The following MAF variants were observed in gnomAD, a reference collection of about 807,000 sequenced individuals.
The protein encoded by MAF is MAF bZIP transcription factor, also known as transcription factor Maf.
In MAF, 10 loss-of-function variants were observed where a neutral mutation model predicts 22.0. The observed-to-expected ratio is 0.45, with a 90% CI of 0.28 to 0.77. The LOEUF is 0.77. Among genes scored for constraint, MAF ranks in the 30% least tolerant of loss-of-function variants. MAF has a pLI of 0.12. For missense variants in MAF, 544 were observed against 548.4 expected (o/e 0.99, Z 0.08); for synonymous variants, 337 against 255.8 (o/e 1.32, Z -3.03).
the MAF span, among the ~76,000 whole-genome samples, chr16:79,542,235 G>T: frequency 1.3e-5 from 2 of 152,200 alleles, no homozygotes. Flanking sequence ...GAAACAGGAA[G>T]TCCAAGCGAG....
the MAF span, among the ~76,000 whole-genome samples, chr16:79,556,051 G>T: frequency 6.6e-6 from 1 of 152,016 alleles, no homozygotes. Flanking sequence ...TTAGTTTAGT[G>T]ATGATTTGTT....
chr16:79,378,146 C>A, the MAF span, among the ~76,000 whole-genome samples: 56 of 152,256 alleles, frequency 3.7e-4, 3 homozygotes, highest in Middle Eastern at 0.024. Context: ...AATATTGATT[C>A]TTCCTACCCA....
the MAF span, among the ~76,000 whole-genome samples, chr16:79,503,127 C>T: frequency 1.2e-3 from 188 of 152,082 alleles, no homozygotes; most frequent in African/African-American, 4.1e-3. Context: ...ACGGGCTGGG[C>T]ACAAGTTCAG....
At chr16:79,275,126 C>A in the MAF span, among the ~76,000 whole-genome samples, 43 of 152,290 alleles carry the variant, frequency 2.8e-4, no homozygotes, top group African/African-American at 9.4e-4. Flanking sequence ...GAGGCTGAGG[C>A]AGGTGGATCA....
At chr16:79,514,433 G>T in the MAF span, among the ~76,000 whole-genome samples, 61 of 152,320 alleles carry the variant, frequency 4.0e-4, no homozygotes, top group Admixed American at 1.3e-3. Flanking sequence ...CACAGAATGG[G>T]TGCAAATATA....
the MAF span, among the ~76,000 whole-genome samples, chr16:79,541,402 C>A: frequency 2.6e-5 from 4 of 151,938 alleles, no homozygotes; most frequent in Non-Finnish European, 5.9e-5. Context: ...GGCAGTCATG[C>A]GCAGGGCTGA....
chr16:79,293,430 C>T, the MAF span, among the ~76,000 whole-genome samples: 2 of 152,288 alleles, frequency 1.3e-5, no homozygotes, highest in East Asian at 3.9e-4. Flanking sequence ...TTAAAAAATG[C>T]CTATTATGTA....
At chr16:79,212,257 T>C in the MAF span, 2 of 1,309,950 alleles carry the variant, frequency 1.5e-6, no homozygotes, top group Non-Finnish European at 2.0e-6. Context: ...CAGGAGATAA[T>C]TGTTTCATTC....
the MAF span, among the ~76,000 whole-genome samples, chr16:79,333,671 G>A: frequency 2.6e-5 from 4 of 152,180 alleles, no homozygotes; most frequent in Non-Finnish European, 5.9e-5. Context: ...ACAATCTAAC[G>A]CTGGATCCCA....
the MAF span, among the ~76,000 whole-genome samples, chr16:79,455,502 G>A: frequency 1.3e-5 from 2 of 152,114 alleles, no homozygotes; most frequent in African/African-American, 4.8e-5. Context: ...CAAATGGCAA[G>A]GATGAGACAC....
At chr16:79,464,365 C>T in the MAF span, among the ~76,000 whole-genome samples, 790 of 152,192 alleles carry the variant, frequency 5.2e-3, 3 homozygotes, top group Middle Eastern at 0.01. Flanking sequence ...CCCACTCTAG[C>T]CCACCACAGT....
chr16:79,512,770 G>A, the MAF span, among the ~76,000 whole-genome samples: 1 of 152,210 alleles, frequency 6.6e-6, no homozygotes, highest in African/African-American at 2.4e-5. Flanking sequence ...ATGTGGGTTT[G>A]CTGGTATTGA....
the MAF span, among the ~76,000 whole-genome samples, chr16:79,556,633 C>G: frequency 6.6e-6 from 1 of 152,164 alleles, no homozygotes; most frequent in African/African-American, 2.4e-5. Flanking sequence ...AGAGTAGATC[C>G]TTGGGCAGCC....
the MAF span, among the ~76,000 whole-genome samples, chr16:79,341,890 T>G: frequency 6.6e-6 from 1 of 152,182 alleles, no homozygotes; most frequent in Non-Finnish European, 1.5e-5. Context: ...TGTGGCAGAA[T>G]GAACAGAACA....
the MAF span, among the ~76,000 whole-genome samples, chr16:79,213,972 A>ACT: frequency 2.1e-4 from 32 of 152,026 alleles, no homozygotes; most frequent in African/African-American, 7.5e-4. Flanking sequence ...ACTAGAAGCC[A>ACT]CTCTAGTCTT....
the MAF span, among the ~76,000 whole-genome samples, chr16:79,340,978 T>A: frequency 2.6e-5 from 4 of 152,094 alleles, no homozygotes; most frequent in Non-Finnish European, 5.9e-5. Flanking sequence ...AGATGGGACC[T>A]CAAGATGAAG....
chr16:79,477,567 T>C, the MAF span, among the ~76,000 whole-genome samples: 1 of 152,200 alleles, frequency 6.6e-6, no homozygotes, highest in African/African-American at 2.4e-5. Context: ...ACAGTTGCCT[T>C]ATGAACACTT....
chr16:79,500,076 C>T, the MAF span, among the ~76,000 whole-genome samples: 8 of 152,150 alleles, frequency 5.3e-5, no homozygotes, highest in African/African-American at 1.4e-4. Context: ...AGGCAAGCAC[C>T]GGACCTTTGC....
At chr16:79,497,570 T>G in the MAF span, among the ~76,000 whole-genome samples, 1 of 152,218 alleles carries the variant, frequency 6.6e-6, no homozygotes, top group East Asian at 1.9e-4. Flanking sequence ...GGGATGCCTT[T>G]ATCTAATTCA....
Sources: gnomAD v4.1 joint callset for allele counts (sites outside exome capture counted in the v4.1 genomes callset) on GRCh38, gnomAD v4.1.1 for gene constraint, MANE v1.5 for transcripts, NCBI Gene and HGNC (gene_info 2026-07-23, HGNC 2026-07-21) for gene names.